The following STK32B variants were observed in gnomAD, a reference collection of about 807,000 sequenced individuals.
STK32B encodes the protein serine/threonine-protein kinase 32B.
In STK32B, 43 loss-of-function variants were observed where a neutral mutation model predicts 52.6. The observed-to-expected ratio is 0.82, with a 90% CI of 0.64 to 1.05. STK32B has a LOEUF of 1.05. Ranked by LOEUF, STK32B falls within the 50% of genes least tolerant of loss-of-function variation. The pLI is 0.00. For synonymous variants in STK32B, 238 were observed against 204.3 expected (o/e 1.17, Z -1.41); for missense variants, 621 against 534.6 (o/e 1.16, Z -1.59).
intron 2 of STK32B, among the ~76,000 whole-genome samples, chr4:5,154,634 C>G (rs919528154): frequency 2.0e-5 from 3 of 152,188 alleles, no homozygotes; most frequent in Admixed American, 1.3e-4. Flanking sequence ...GACTGAGGCC[C>G]TTCCTGTGTC....
chr4:5,172,003 C>G (rs918939745), intron 3 of STK32B, among the ~76,000 whole-genome samples: 2 of 151,882 alleles, frequency 1.3e-5, no homozygotes, highest in African/African-American at 4.8e-5. Context: ...GTTTGTAGTT[C>G]TCCTTGAAGA....
At chr4:5,359,026 A>T (rs908493491) in intron 4 of STK32B, among the ~76,000 whole-genome samples, 1 of 152,212 alleles carries the variant, frequency 6.6e-6, no homozygotes, top group Non-Finnish European at 1.5e-5. Context: ...TGGCAGATTC[A>T]TTGATCAGCA....
At chr4:5,218,339 G>A (rs1263893968) in intron 3 of STK32B, among the ~76,000 whole-genome samples, 1 of 152,214 alleles carries the variant, frequency 6.6e-6, no homozygotes, top group Non-Finnish European at 1.5e-5. Context: ...AAAGCAAGTA[G>A]CCTATTTAGG....
At chr4:5,117,898 T>C (rs1325222509) in intron 1 of STK32B, among the ~76,000 whole-genome samples, 2 of 152,228 alleles carry the variant, frequency 1.3e-5, no homozygotes, top group Non-Finnish European at 2.9e-5. Flanking sequence ...ATCCCAGGGA[T>C]AAATCATATT....
At chr4:5,474,377 C>G (rs1718074919) in intron 11 of STK32B, among the ~76,000 whole-genome samples, 2 of 152,220 alleles carry the variant, frequency 1.3e-5, no homozygotes. Flanking sequence ...CCTCGGACTT[C>G]TCATCTGTGC....
At chr4:5,181,613 AAC>A (rs1720368401) in intron 3 of STK32B, among the ~76,000 whole-genome samples, 1 of 152,232 alleles carries the variant, frequency 6.6e-6, no homozygotes, top group Admixed American at 6.5e-5. Context: ...TAAAGCAAGA[AAC>A]ACAATTTTTT....
Position 5,498,998 on chromosome 4 carries a change from G to T in STK32B, c.1160G>T (p.Gly387Val), listed in dbSNP as rs183352474. ...GSQLLDTDSR[G>V]GGQAQSKLQD... ...CAGCTCTTGGACACCGACAGCCGAG[G>T]GGGAGGCCAGGCCCAAAGCAAGCTC... Residue 387 changes from glycine (G) to valine (V), a missense_variant, in exon 12 of 12, where the codon GGG becomes GTG. Transcript: ENST00000282908. 26 of 1,613,786 alleles carry T rather than the reference G, an allele frequency of 1.6e-5. No homozygotes were observed. The East Asian group carries it at 4.9e-4, about 30-fold the overall frequency.
At chr4:5,195,135 G>A (rs533289993) in intron 3 of STK32B, among the ~76,000 whole-genome samples, 17 of 152,156 alleles carry the variant, frequency 1.1e-4, no homozygotes, top group African/African-American at 3.6e-4. Context: ...GTGCATTGGC[G>A]CAATCGTAGC....
At chr4:5,180,706 T>G (rs183516957) in intron 3 of STK32B, among the ~76,000 whole-genome samples, 5 of 152,328 alleles carry the variant, frequency 3.3e-5, no homozygotes, top group Admixed American at 1.3e-4. Flanking sequence ...TCGCATTACA[T>G]GGAGGGTGAA....
intron 2 of STK32B, among the ~76,000 whole-genome samples, chr4:5,142,616 T>C (rs764029572): frequency 2.6e-5 from 4 of 152,226 alleles, no homozygotes; most frequent in Non-Finnish European, 4.4e-5. Context: ...GAAGGGGCCA[T>C]GTGCTCCATT....
chr4:5,493,040 C>G (rs1392348104), intron 11 of STK32B, among the ~76,000 whole-genome samples: 2 of 151,388 alleles, frequency 1.3e-5, no homozygotes, highest in Non-Finnish European at 2.9e-5. Context: ...CTAAAATTCT[C>G]TTTTATGGTT....
chr4:5,356,246 A>T (rs980956362), intron 4 of STK32B, among the ~76,000 whole-genome samples: 1 of 152,148 alleles, frequency 6.6e-6, no homozygotes, highest in African/African-American at 2.4e-5. Context: ...CCATCCTCAC[A>T]TGACCCCATC....
At chr4:5,159,477 T>C (rs1464132081) in intron 2 of STK32B, among the ~76,000 whole-genome samples, 4 of 142,472 alleles carry the variant, frequency 2.8e-5, no homozygotes, top group African/African-American at 1.1e-4. Context: ...CACACACATA[T>C]ATATGAATAC....
intron 4 of STK32B, among the ~76,000 whole-genome samples, chr4:5,333,730 G>A (rs1431583102): frequency 6.6e-6 from 1 of 152,150 alleles, no homozygotes; most frequent in Non-Finnish European, 1.5e-5. Flanking sequence ...TTATTAAATA[G>A]GGAATCCTTT....
chr4:5,112,851 T>C (rs1333030307), intron 1 of STK32B, among the ~76,000 whole-genome samples: 1 of 152,126 alleles, frequency 6.6e-6, no homozygotes, highest in Non-Finnish European at 1.5e-5. Context: ...CTGTGGGGGT[T>C]GACAGATGAA....
At chr4:5,156,500 T>C (rs943672121) in intron 2 of STK32B, among the ~76,000 whole-genome samples, 4 of 152,158 alleles carry the variant, frequency 2.6e-5, no homozygotes, top group Non-Finnish European at 5.9e-5. Flanking sequence ...TGGCTCCTCT[T>C]GACCCCTTTG....
intron 11 of STK32B, among the ~76,000 whole-genome samples, chr4:5,486,078 G>A (rs1332003906): frequency 6.6e-6 from 1 of 152,138 alleles, no homozygotes; most frequent in Non-Finnish European, 1.5e-5. Context: ...CAGATCTCCA[G>A]CTGCGTGCTG....
intron 11 of STK32B, 82 bp downstream of exon 11, chr4:5,468,152 C>G (rs1717586630): frequency 6.9e-7 from 1 of 1,449,370 alleles, no homozygotes; most frequent in Non-Finnish European, 9.7e-7. Flanking sequence ...CAGTCCCTGC[C>G]CCCCAAACCG....
chr4:5,389,622 G>T (rs1314004754), intron 4 of STK32B, among the ~76,000 whole-genome samples: 1 of 152,126 alleles, frequency 6.6e-6, no homozygotes, highest in East Asian at 1.9e-4. Flanking sequence ...CCCAACTATG[G>T]TTGCATTCAG....
Sources: allele counts gnomAD v4.1 joint callset (sites outside exome capture counted in the v4.1 genomes callset), GRCh38; gene constraint gnomAD v4.1.1; transcripts MANE v1.5; gene names NCBI Gene and HGNC (gene_info 2026-07-23, HGNC 2026-07-21).